Variants in SLC25A27 observed in about 807,000 individuals in gnomAD.
SLC25A27 encodes mitochondrial uncoupling protein 4.
Under a neutral mutation model 49.1 loss-of-function variants are expected in SLC25A27, and 35 were observed. The observed-to-expected ratio is 0.71, with a 90% CI of 0.54 to 0.95. The LOEUF (loss-of-function observed/expected upper bound fraction) is 0.95, where lower values mean the gene tolerates loss of function less well. SLC25A27 is among the 40% of genes least tolerant of loss of function. SLC25A27 has a pLI of 0.00. For synonymous variants in SLC25A27, 144 were observed against 136.9 expected (o/e 1.05, Z -0.36); for missense variants, 339 against 397.1 (o/e 0.85, Z 1.24).
In SLC25A27 at chr6:46,655,877, C is replaced by G. The variant is rs1334810947; in HGVS notation, c.141C>G (p.Leu47=). 6.2e-7 allele frequency: 1 copy of G among 1,612,980 alleles called. No homozygotes were observed. Among genetic ancestry groups the G allele is most frequent in the South Asian group, 1.1e-5 (1 of 90,924 alleles). ...TFPLDLTKTR[L]QMQGEAALAR... is the part of the protein sequence containing the mutation. ...CCCTGGATCTCACAAAAACTCGACT[C>G]CAAATGCAAGGAGAAGCAGCTCTTG... The change falls in exon 2 of 9, where the codon CTC becomes CTG. Residue 47 remains leucine (L), a synonymous_variant. Coordinates refer to ENST00000371347, the MANE Select transcript of SLC25A27 (RefSeq NM_004277.5).
chr6:46,673,946 A>G (rs545561515), intron 8 of SLC25A27, among the ~76,000 whole-genome samples: 1 of 152,182 alleles, frequency 6.6e-6, no homozygotes, highest in African/African-American at 2.4e-5. Context: ...TTTTAGGGAC[A>G]TTTATGGTTA....
In SLC25A27 at chr6:46,676,651, C is replaced by T; in HGVS notation, c.*197C>T. The T allele has an allele frequency of 6.4e-7, 1 of 1,550,888 alleles. No individual in the cohort carries two copies. The highest frequency in any genetic ancestry group is 8.7e-7 in the Non-Finnish European group (1 of 1,147,000). On this transcript the variant is annotated 3_prime_UTR_variant, in exon 9 of 9. Transcript: ENST00000371347. ...ACTCCTCTTTTTGTCCAAAAGTGAT[C>T]TGGTCGGATCTCACAAGGCCATCCA...
intron 5 of SLC25A27, among the ~76,000 whole-genome samples, chr6:46,668,183 A>G (rs1763384490): frequency 2.0e-5 from 3 of 152,144 alleles, no homozygotes; most frequent in African/African-American, 7.2e-5. Context: ...CATCTCTACA[A>G]AAATATTGAA....
intron 4 of SLC25A27, among the ~76,000 whole-genome samples, chr6:46,663,963 A>G (rs1308633400): frequency 6.6e-6 from 1 of 152,194 alleles, no homozygotes; most frequent in African/African-American, 2.4e-5. Flanking sequence ...AGTGCTCCAT[A>G]AATTTTAGTT....
intron 2 of SLC25A27, among the ~76,000 whole-genome samples, chr6:46,657,049 C>T (rs1308005080): frequency 1.3e-5 from 2 of 151,990 alleles, no homozygotes; most frequent in African/African-American, 4.8e-5. Flanking sequence ...GACTGTAGTC[C>T]CCACTACTTG....
chr6:46,654,328 C>T (rs948619378), intron 1 of SLC25A27, among the ~76,000 whole-genome samples: 1 of 152,158 alleles, frequency 6.6e-6, no homozygotes, highest in Admixed American at 6.5e-5. Flanking sequence ...TCAGTTGTTT[C>T]GTGCTCTTCC....
Position 46,668,746 on chromosome 6 carries a change from A to G in SLC25A27, c.657A>G (p.Val219=), listed in dbSNP as rs1562040462. 1.2e-6 allele frequency: 2 copies of G among 1,610,408 alleles called. No individual in the cohort carries two copies. The highest frequency in any genetic ancestry group is 1.7e-6 in the Non-Finnish European group (2 of 1,176,800). The change falls in exon 6 of 9, where the codon GTA becomes GTG. Residue 219 remains valine, a synonymous_variant. Transcript: ENST00000371347. ...TTYDTVKHYL[V]LNTPLEDNIM... is the part of the protein sequence containing the mutation. ...ATGATACAGTGAAACACTACTTGGT[A>G]TTGAATACACCACTTGAGGACAATA...
chr6:46,669,301 A>G (rs1241268029), intron 6 of SLC25A27, among the ~76,000 whole-genome samples: 1 of 152,228 alleles, frequency 6.6e-6, no homozygotes, highest in Non-Finnish European at 1.5e-5. Context: ...GGAGGTAGAA[A>G]TAGACAAGGG....
At chr6:46,665,559 G>A (rs1295396109) in intron 5 of SLC25A27, among the ~76,000 whole-genome samples, 1 of 152,046 alleles carries the variant, frequency 6.6e-6, no homozygotes, top group Non-Finnish European at 1.5e-5. Context: ...GGTGGCAGGT[G>A]CCTGTAGTCC....
chr6:46,652,977 G>GT lies in SLC25A27; in HGVS notation c.-211dup. On this transcript the variant is annotated 5_prime_UTR_variant, in exon 1 of 9. Coordinates refer to ENST00000371347, the MANE Select transcript of SLC25A27 (RefSeq NM_004277.5). ...CCAGTAACCTCCTGGGCTCCGCTGT[G>GT]TTTTTCTATTCTGGGGTGTAAGGGG... 1 of 586,014 alleles carries GT rather than the reference G, an allele frequency of 1.7e-6. No homozygotes were observed. Among genetic ancestry groups the GT allele is most frequent in the South Asian group, 2.1e-5 (1 of 47,728 alleles). The allele number at this position is 586,014 out of a possible 1,614,324, so 36.3% of individuals were successfully genotyped here.
At chr6:46,673,729 G>C (rs1458992184) in intron 8 of SLC25A27, among the ~76,000 whole-genome samples, 3 of 152,118 alleles carry the variant, frequency 2.0e-5, no homozygotes. Context: ...GACCAAGTTG[G>C]GAAGAACCTT....
intron 3 of SLC25A27, among the ~76,000 whole-genome samples, chr6:46,661,725 G>A (rs1758621643): frequency 6.6e-6 from 1 of 152,148 alleles, no homozygotes; most frequent in Non-Finnish European, 1.5e-5. Context: ...TTCCTCATCT[G>A]ACAGAGAGAA....
At chr6:46,654,195 C>G in intron 1 of SLC25A27, 3 of 890,728 alleles carry the variant, frequency 3.4e-6, no homozygotes, top group Non-Finnish European at 4.0e-6. Context: ...TTAAGATTAC[C>G]CTTACATTTT....
intron 5 of SLC25A27, among the ~76,000 whole-genome samples, chr6:46,665,852 G>A (rs1582507122): frequency 6.6e-6 from 1 of 152,136 alleles, no homozygotes; most frequent in South Asian, 2.1e-4. Flanking sequence ...TATCCAGAGT[G>A]ATTTATTTGA....
At position 46,668,742 on chromosome 6, in the gene SLC25A27, TG is replaced by T; in HGVS notation, c.655del (p.Val219TyrfsTer2). On this transcript the variant is annotated frameshift_variant, in exon 6 of 9. Transcript: ENST00000371347. LOFTEE classifies it high-confidence loss of function. ...ACTTATGATACAGTGAAACACTACT[TG>T]GTATTGAATACACCACTTGAGGACA... ...LTTYDTVKHY[L>X]VLNTPLEDNI... is the part of the protein sequence containing the mutation. 6.2e-7 allele frequency: 1 copy of T among 1,609,724 alleles called. No homozygotes were observed. The highest frequency in any genetic ancestry group is 8.5e-7 in the Non-Finnish European group (1 of 1,176,232).
At chr6:46,671,252 G>T (rs1763525863) in intron 8 of SLC25A27, 24 bp downstream of exon 8, 10 of 1,329,180 alleles carry the variant, frequency 7.5e-6, no homozygotes, top group South Asian at 1.4e-5. Flanking sequence ...TACTTCCTTT[G>T]TTTTTTTTCT....
chr6:46,669,968 GT>G (rs1763463395), intron 6 of SLC25A27, among the ~76,000 whole-genome samples, 166 bp from the exon 7 acceptor site: 1 of 152,076 alleles, frequency 6.6e-6, no homozygotes, highest in African/African-American at 2.4e-5. Context: ...TCTTTTTGTT[GT>G]TTTTCTACCT....
At chr6:46,655,753 G>T (rs1045031610) in intron 1 of SLC25A27, 90 bp from the exon 2 acceptor site, 2 of 1,108,348 alleles carry the variant, frequency 1.8e-6, no homozygotes, top group Non-Finnish European at 2.6e-6. Flanking sequence ...AGAACAACCA[G>T]TCTTGGGAAA....
chr6:46,675,005 G>T (rs181417273), intron 8 of SLC25A27, among the ~76,000 whole-genome samples: 1 of 152,294 alleles, frequency 6.6e-6, no homozygotes, highest in African/African-American at 2.4e-5. Flanking sequence ...AGCTGTATCA[G>T]CGAGAAAATC....
Sources: allele counts gnomAD v4.1 joint callset (sites outside exome capture counted in the v4.1 genomes callset), GRCh38; gene constraint gnomAD v4.1.1; transcripts MANE v1.5; gene names NCBI Gene and HGNC (gene_info 2026-07-23, HGNC 2026-07-21).